Variants in BRINP3 observed in about 807,000 individuals in gnomAD.
BRINP3 encodes the protein BMP/retinoic acid inducible neural specific 3, also known as BMP/retinoic acid-inducible neural-specific protein 3.
BRINP3 carries 19 observed loss-of-function variants against 71.0 expected under a neutral mutation model. The observed-to-expected ratio is 0.27, with a 90% CI of 0.19 to 0.39. The LOEUF (loss-of-function observed/expected upper bound fraction) is 0.39, where lower values mean the gene tolerates loss of function less well. Ranked by LOEUF, BRINP3 falls within the 10% of genes least tolerant of loss-of-function variation. The probability of loss-of-function intolerance (pLI) is 1.00; values close to 1 mark genes in which losing one functional copy is unlikely to be tolerated. For synonymous variants in BRINP3, 380 were observed against 337.7 expected (o/e 1.13, Z -1.37); for missense variants, 959 against 940.8 (o/e 1.02, Z -0.25).
intron 2 of BRINP3, among the ~76,000 whole-genome samples, chr1:190,412,395 T>TAA (rs1383060718): frequency 7.4e-6 from 1 of 134,998 alleles, no homozygotes. Flanking sequence ...TATATATATA[T>TAA]TATATATATA....
intron 2 of BRINP3, among the ~76,000 whole-genome samples, chr1:190,354,068 T>C (rs1668574476): frequency 6.6e-6 from 1 of 152,000 alleles, no homozygotes; most frequent in Non-Finnish European, 1.5e-5. Flanking sequence ...TCCAGTCTCA[T>C]TTCTCTGTCA....
intron 6 of BRINP3, among the ~76,000 whole-genome samples, chr1:190,190,165 G>T (rs751862505): frequency 6.6e-6 from 1 of 152,084 alleles, no homozygotes; most frequent in African/African-American, 2.4e-5. Flanking sequence ...CAGGGAGGGC[G>T]CAGAAACTTA....
At chr1:190,377,969 T>A (rs1029761880) in intron 2 of BRINP3, among the ~76,000 whole-genome samples, 8 of 152,144 alleles carry the variant, frequency 5.3e-5, no homozygotes, top group Non-Finnish European at 8.8e-5. Flanking sequence ...ATATATTGAT[T>A]CAATATATCC....
chr1:190,413,810 T>C (rs981389396), intron 2 of BRINP3, among the ~76,000 whole-genome samples: 1 of 152,140 alleles, frequency 6.6e-6, no homozygotes, highest in African/African-American at 2.4e-5. Flanking sequence ...TCTATATTCA[T>C]TGACAAAGAA....
At position 190,365,652 on chromosome 1, in the gene BRINP3, TA is replaced by T. The variant is rs567712739; in HGVS notation, c.237-83903del. ...TTATAATTGTAATATAATGATATAG[TA>T]AAAATATATTATAATTAATATAATA... On this transcript the variant is annotated intron_variant, in intron 2 of 7. Transcript: ENST00000367462. 5.8e-3 allele frequency among the ~76,000 whole-genome samples: 810 copies of T among 139,036 alleles called. 5 individuals carry two copies. Among genetic ancestry groups the T allele is most frequent in the African/African-American group, 0.018 (734 of 39,794 alleles). 91.2% of individuals were successfully genotyped at this position (139,036 alleles called of 152,430 possible).
chr1:190,326,067 G>A (rs1666559071), intron 2 of BRINP3, among the ~76,000 whole-genome samples: 1 of 151,840 alleles, frequency 6.6e-6, no homozygotes, highest in African/African-American at 2.4e-5. Flanking sequence ...AATTAAGGAA[G>A]GTCTAAACAT....
intron 6 of BRINP3, among the ~76,000 whole-genome samples, chr1:190,210,415 G>C (rs951732970): frequency 1.3e-5 from 2 of 151,934 alleles, no homozygotes; most frequent in African/African-American, 4.8e-5. Context: ...ATGTTTTTCA[G>C]ATTAAACTGA....
chr1:190,282,574 A>T (rs1366854347), intron 2 of BRINP3, among the ~76,000 whole-genome samples: 1 of 152,028 alleles, frequency 6.6e-6, no homozygotes, highest in South Asian at 2.1e-4. Flanking sequence ...GTTAATTCAT[A>T]TTTATAAAAT....
intron 2 of BRINP3, among the ~76,000 whole-genome samples, chr1:190,450,720 T>C (rs1675549860): frequency 6.6e-6 from 1 of 152,086 alleles, no homozygotes; most frequent in Admixed American, 6.6e-5. Flanking sequence ...TTTAGTATTT[T>C]TGCCTTTCCT....
At chr1:190,376,664 T>TA (rs1463824136) in intron 2 of BRINP3, among the ~76,000 whole-genome samples, 4 of 152,066 alleles carry the variant, frequency 2.6e-5, no homozygotes, top group Non-Finnish European at 4.4e-5. Flanking sequence ...TATAATTTCT[T>TA]AAACATCAAA....
intron 2 of BRINP3, among the ~76,000 whole-genome samples, chr1:190,362,718 T>C (rs1669228917): frequency 6.6e-6 from 1 of 152,188 alleles, no homozygotes; most frequent in Non-Finnish European, 1.5e-5. Flanking sequence ...CAAAATCTGA[T>C]GATTGTATAA....
chr1:190,349,026 G>C (rs1668201928), intron 2 of BRINP3, among the ~76,000 whole-genome samples: 1 of 152,114 alleles, frequency 6.6e-6, no homozygotes, highest in Non-Finnish European at 1.5e-5. Context: ...ATAAAACGTA[G>C]TAGCTGAGCT....
chr1:190,344,582 A>G (rs1667890776), intron 2 of BRINP3, among the ~76,000 whole-genome samples: 1 of 151,862 alleles, frequency 6.6e-6, no homozygotes, highest in African/African-American at 2.4e-5. Flanking sequence ...TTTCTTAGAG[A>G]ACACTTTTTC....
chr1:190,422,754 C>T (rs917379650), intron 2 of BRINP3, among the ~76,000 whole-genome samples: 2 of 151,872 alleles, frequency 1.3e-5, no homozygotes, highest in Non-Finnish European at 3.0e-5. Context: ...AAACCTCATT[C>T]GAAAACTAGA....
chr1:190,392,513 G>A (rs1671314925), intron 2 of BRINP3, among the ~76,000 whole-genome samples: 1 of 151,546 alleles, frequency 6.6e-6, no homozygotes, highest in Non-Finnish European at 1.5e-5. Flanking sequence ...TCTCTTATAT[G>A]ATACATTGTA....
intron 7 of BRINP3, among the ~76,000 whole-genome samples, chr1:190,129,012 T>A (rs1314890047): frequency 6.6e-6 from 1 of 151,846 alleles, no homozygotes; most frequent in South Asian, 2.1e-4. Flanking sequence ...AAGTTCTGAT[T>A]TGATTTGCAA....
intron 2 of BRINP3, among the ~76,000 whole-genome samples, chr1:190,353,533 C>A (rs771790283): frequency 2.6e-5 from 4 of 152,014 alleles, no homozygotes; most frequent in Non-Finnish European, 5.9e-5. Flanking sequence ...TTTAAAGCTA[C>A]AACTGAAACA....
intron 6 of BRINP3, among the ~76,000 whole-genome samples, chr1:190,177,219 G>T (rs1005049476): frequency 1.5e-5 from 2 of 131,658 alleles, no homozygotes; most frequent in Non-Finnish European, 3.1e-5. Flanking sequence ...CTGGAGTGCA[G>T]TGGCGCGGTC....
intron 7 of BRINP3, among the ~76,000 whole-genome samples, chr1:190,123,350 T>C (rs562619145): frequency 1.3e-5 from 2 of 151,494 alleles, no homozygotes; most frequent in Non-Finnish European, 3.0e-5. Flanking sequence ...TCATTACTAA[T>C]AACGACTTCA....
Sources: gnomAD v4.1 joint callset for allele counts (sites outside exome capture counted in the v4.1 genomes callset) on GRCh38, gnomAD v4.1.1 for gene constraint, MANE v1.5 for transcripts, NCBI Gene and HGNC (gene_info 2026-07-23, HGNC 2026-07-21) for gene names.